Variants in CACNA1E observed in about 807,000 individuals in gnomAD.
CACNA1E encodes the protein calcium voltage-gated channel subunit alpha1 E, also known as voltage-dependent R-type calcium channel subunit alpha-1E.
In CACNA1E, 40 loss-of-function variants were observed where a neutral mutation model predicts 259.2. The ratio of observed to expected loss-of-function variants is 0.15; its 90% CI spans 0.12 to 0.20. The LOEUF (loss-of-function observed/expected upper bound fraction) is 0.20. CACNA1E is among the 10% of genes least tolerant of loss of function. The probability of loss-of-function intolerance (pLI) is 1.00; values close to 1 mark genes in which losing one functional copy is unlikely to be tolerated. For missense variants in CACNA1E, 1,874 were observed against 3,040.1 expected (o/e 0.62, Z 9.02); for synonymous variants, 1,104 against 1,138.5 (o/e 0.97, Z 0.61).
At chr1:181,715,220 G>T (rs1290247541) in intron 8 of CACNA1E, 118 bp from the exon 9 acceptor site, 14 of 669,684 alleles carry the variant, frequency 2.1e-5, no homozygotes, top group Non-Finnish European at 1.1e-5. Flanking sequence ...CCTGTGACAG[G>T]CTCTGAACTC....
chr1:181,560,293 A>G (rs887623994), intron 3 of CACNA1E, among the ~76,000 whole-genome samples: 39 of 152,146 alleles, frequency 2.6e-4, no homozygotes, highest in African/African-American at 8.9e-4. Flanking sequence ...AAAAAAATCA[A>G]GAAAATACAG....
intron 6 of CACNA1E, among the ~76,000 whole-genome samples, chr1:181,583,601 G>A (rs1175068957): frequency 6.6e-6 from 1 of 152,098 alleles, no homozygotes; most frequent in Non-Finnish European, 1.5e-5. Context: ...TCCCTTTTCT[G>A]TAGCACAGAC....
chr1:181,318,650 CGCTGGTGGGGAG>C (rs1650102966), intron 1 of CACNA1E, among the ~76,000 whole-genome samples: 1 of 152,156 alleles, frequency 6.6e-6, no homozygotes, highest in South Asian at 2.1e-4. Flanking sequence ...GTGCGCGGAT[CGCTGGTGGGGAG>C]GGCGCGCGGG....
chr1:181,779,819 TACACACAC>T lies in CACNA1E; in HGVS notation c.5268-1584_5268-1577del, dbSNP rs56301632. ...TCATGTATGTGTGTATATGCACATG[TACACACAC>T]ACACACACACACACACACACACAGG... On this transcript the variant is annotated intron_variant, in intron 38 of 47. Transcript: ENST00000367573. Among the ~76,000 whole-genome samples, 423 of 148,392 alleles carry T rather than the reference TACACACAC, an allele frequency of 2.9e-3. 6 individuals carry two copies. The highest frequency in any genetic ancestry group is 8.3e-3 in the Admixed American group (124 of 14,890).
chr1:181,633,103 G>A (rs1656893467), intron 6 of CACNA1E, among the ~76,000 whole-genome samples: 1 of 152,068 alleles, frequency 6.6e-6, no homozygotes, highest in South Asian at 2.1e-4. Flanking sequence ...ATACACCTGA[G>A]GATGCAAAAA....
At chr1:181,780,005 T>C (rs1304916423) in intron 38 of CACNA1E, among the ~76,000 whole-genome samples, 1 of 152,164 alleles carries the variant, frequency 6.6e-6, no homozygotes, top group South Asian at 2.1e-4. Flanking sequence ...CCATATGTAA[T>C]GTATGGAGTA....
At chr1:181,451,617 G>A (rs1661161381) in intron 2 of CACNA1E, among the ~76,000 whole-genome samples, 2 of 152,328 alleles carry the variant, frequency 1.3e-5, no homozygotes, top group South Asian at 2.1e-4. Flanking sequence ...GGGAGGCAGA[G>A]GTTGCAGTGA....
At chr1:181,684,972 A>G (rs1371766097) in intron 7 of CACNA1E, among the ~76,000 whole-genome samples, 1 of 151,502 alleles carries the variant, frequency 6.6e-6, no homozygotes, top group African/African-American at 2.4e-5. Flanking sequence ...AAAGGAGTAC[A>G]TATGGCTTTG....
chr1:181,718,199 C>T (rs1654082016), intron 12 of CACNA1E, 32 bp downstream of exon 12: 1 of 1,128,096 alleles, frequency 8.9e-7, no homozygotes, highest in African/African-American at 1.5e-5. Context: ...TCTGCTCCTG[C>T]TTCGTGTTGA....
chr1:181,380,712 G>A (rs1655399528), intron 1 of CACNA1E, among the ~76,000 whole-genome samples: 1 of 152,116 alleles, frequency 6.6e-6, no homozygotes, highest in Non-Finnish European at 1.5e-5. Context: ...GTGTTAGTGA[G>A]GATGTGGAAG....
At chr1:181,773,107 A>G (rs1427566604) in intron 37 of CACNA1E, among the ~76,000 whole-genome samples, 3 of 152,250 alleles carry the variant, frequency 2.0e-5, no homozygotes, top group African/African-American at 7.2e-5. Flanking sequence ...AAAGTGGTCA[A>G]TTTCATGGCC....
intron 1 of CACNA1E, among the ~76,000 whole-genome samples, chr1:181,400,349 G>T (rs1657005141): frequency 6.6e-6 from 1 of 152,150 alleles, no homozygotes; most frequent in African/African-American, 2.4e-5. Flanking sequence ...ACAGTCAGCT[G>T]CCTGCTACCC....
At chr1:181,688,786 A>T (rs1037799438) in intron 7 of CACNA1E, among the ~76,000 whole-genome samples, 5 of 152,286 alleles carry the variant, frequency 3.3e-5, no homozygotes, top group African/African-American at 9.6e-5. Flanking sequence ...TTTGGCTAAC[A>T]TCTCTCCATT....
chr1:181,397,363 C>G (rs1210957592), intron 1 of CACNA1E, among the ~76,000 whole-genome samples: 1 of 152,168 alleles, frequency 6.6e-6, no homozygotes, highest in Non-Finnish European at 1.5e-5. Flanking sequence ...TGCAGTGGCA[C>G]GATCTTAGCT....
chr1:181,539,283 G>A (rs1304554010), intron 3 of CACNA1E, among the ~76,000 whole-genome samples: 1 of 152,188 alleles, frequency 6.6e-6, no homozygotes, highest in Non-Finnish European at 1.5e-5. Flanking sequence ...GGGCTTGAAG[G>A]CAGGGGTTGT....
At chr1:181,388,178 A>G (rs1193354506) in intron 1 of CACNA1E, among the ~76,000 whole-genome samples, 2 of 152,138 alleles carry the variant, frequency 1.3e-5, no homozygotes, top group African/African-American at 4.8e-5. Flanking sequence ...ATCATGCTAG[A>G]TGTTCCACTC....
At chr1:181,570,967 T>C (rs1280578271) in intron 3 of CACNA1E, among the ~76,000 whole-genome samples, 1 of 152,214 alleles carries the variant, frequency 6.6e-6, no homozygotes, top group African/African-American at 2.4e-5. Flanking sequence ...ATCCCCTCAA[T>C]TCTGTGAGTT....
chr1:181,401,343 C>A (rs1657090161), intron 1 of CACNA1E, among the ~76,000 whole-genome samples: 1 of 152,180 alleles, frequency 6.6e-6, no homozygotes, highest in Non-Finnish European at 1.5e-5. Context: ...CCCCAACTCC[C>A]CAAGACCCTC....
intron 1 of CACNA1E, among the ~76,000 whole-genome samples, chr1:181,331,582 T>C (rs2102598698): frequency 6.6e-6 from 1 of 152,282 alleles, no homozygotes; most frequent in South Asian, 2.1e-4. Context: ...CCCCACCTAT[T>C]CCACTCAGAC....
Sources: allele counts gnomAD v4.1 joint callset (sites outside exome capture counted in the v4.1 genomes callset), GRCh38; gene constraint gnomAD v4.1.1; transcripts MANE v1.5; gene names NCBI Gene and HGNC (gene_info 2026-07-23, HGNC 2026-07-21).